The following CFAP54 variants were observed in gnomAD, a reference collection of about 807,000 sequenced individuals.
The protein encoded by CFAP54 is cilia- and flagella-associated protein 54.
Under a neutral mutation model 370.4 loss-of-function variants are expected in CFAP54, and 290 were observed. The observed-to-expected ratio is 0.78, with a 90% CI of 0.71 to 0.86. The LOEUF (loss-of-function observed/expected upper bound fraction) is 0.86, where lower values mean the gene tolerates loss of function less well. Ranked by LOEUF, CFAP54 falls within the 40% of genes least tolerant of loss-of-function variation. The probability of loss-of-function intolerance (pLI) is 0.00; values close to 1 mark genes in which losing one functional copy is unlikely to be tolerated. For synonymous variants in CFAP54, 1,206 were observed against 1,236.5 expected (o/e 0.98, Z 0.52); for missense variants, 3,399 against 3,528.7 (o/e 0.96, Z 0.93).
chr12:96,718,814 GGATC>G (rs1957715833), intron 49 of CFAP54, among the ~76,000 whole-genome samples: 1 of 152,246 alleles, frequency 6.6e-6, no homozygotes, highest in South Asian at 2.1e-4. Flanking sequence ...CGAGGTGGGC[GGATC>G]ACCTGAGGTC....
intron 42 of CFAP54, among the ~76,000 whole-genome samples, chr12:96,685,687 TTACA>T (rs1957322412): frequency 6.6e-6 from 1 of 152,036 alleles, no homozygotes; most frequent in Non-Finnish European, 1.5e-5. Context: ...GTAGCTGGGA[TTACA>T]GGTGGCCACC....
intron 17 of CFAP54, among the ~76,000 whole-genome samples, chr12:96,562,206 C>G (rs2136408368): frequency 6.6e-6 from 1 of 152,194 alleles, no homozygotes; most frequent in South Asian, 2.1e-4. Flanking sequence ...AATGTAATTA[C>G]TCATTTGTTT....
At chr12:96,630,048 C>A in intron 30 of CFAP54, 45 bp from the exon 31 acceptor site, 1 of 994,268 alleles carries the variant, frequency 1.0e-6, no homozygotes, top group Non-Finnish European at 1.4e-6. Context: ...GGTAGTTCTG[C>A]AAATTTTTGC....
intron 25 of CFAP54, among the ~76,000 whole-genome samples, chr12:96,597,294 T>G (rs980015401): frequency 9.2e-5 from 14 of 152,002 alleles, no homozygotes; most frequent in African/African-American, 3.4e-4. Flanking sequence ...TTCCACCTCT[T>G]GGTTCCTGGA....
intron 33 of CFAP54, among the ~76,000 whole-genome samples, chr12:96,644,974 T>G (rs1956772526): frequency 6.6e-6 from 1 of 152,206 alleles, no homozygotes; most frequent in African/African-American, 2.4e-5. Context: ...TGATTGTAGC[T>G]TGAATATGTT....
At chr12:96,635,308 TAA>T (rs1421841366) in intron 32 of CFAP54, among the ~76,000 whole-genome samples, 4 of 152,236 alleles carry the variant, frequency 2.6e-5, no homozygotes, top group Non-Finnish European at 5.9e-5. Context: ...TGTTATAAAT[TAA>T]GTTTAATTTT....
intron 19 of CFAP54, among the ~76,000 whole-genome samples, chr12:96,568,823 C>A (rs1013109637): frequency 6.6e-6 from 1 of 151,886 alleles, no homozygotes; most frequent in Non-Finnish European, 1.5e-5. Flanking sequence ...TATTTCTAAT[C>A]AATTAAGATG....
intron 26 of CFAP54, among the ~76,000 whole-genome samples, chr12:96,617,061 A>G (rs931785577): frequency 6.6e-6 from 1 of 152,202 alleles, no homozygotes; most frequent in African/African-American, 2.4e-5. Context: ...GACAAGAATA[A>G]AGGAGGGAGA....
At chr12:96,756,365 A>G in intron 56 of CFAP54, 93 bp from the exon 57 acceptor site, 1 of 713,978 alleles carries the variant, frequency 1.4e-6, no homozygotes, top group Non-Finnish European at 2.3e-6. Context: ...ACAGCACATC[A>G]AATATTCTGA....
intron 8 of CFAP54, among the ~76,000 whole-genome samples, chr12:96,527,023 G>T (rs948599209): frequency 2.7e-5 from 4 of 148,784 alleles, no homozygotes; most frequent in African/African-American, 9.9e-5. Context: ...AGCCTCCCAA[G>T]TAGCTGGGAC....
intron 63 of CFAP54, among the ~76,000 whole-genome samples, chr12:96,809,240 C>G (rs7305321): frequency 2.0e-5 from 3 of 151,770 alleles, no homozygotes; most frequent in African/African-American, 7.3e-5. Flanking sequence ...CAGTTCATGG[C>G]CTTTTTTTAT....
intron 22 of CFAP54, among the ~76,000 whole-genome samples, chr12:96,583,714 A>G (rs1018986209): frequency 6.6e-6 from 1 of 152,216 alleles, no homozygotes; most frequent in Non-Finnish European, 1.5e-5. Context: ...TTGCTCAGGT[A>G]GCAGATGTCA....
chr12:96,647,496 A>AAAAAAAAAAAAAAAAAAAC, intron 33 of CFAP54, among the ~76,000 whole-genome samples: 1 of 149,020 alleles, frequency 6.7e-6, no homozygotes, highest in Non-Finnish European at 1.5e-5. Context: ...AAAAAAAAAA[A>AAAAAAAAAAAAAAAAAAAC]GAAATGCCAT....
At chr12:96,700,728 C>A in intron 46 of CFAP54, among the ~76,000 whole-genome samples, 1 of 152,072 alleles carries the variant, frequency 6.6e-6, no homozygotes, top group East Asian at 1.9e-4. Flanking sequence ...CTCTTTTAGT[C>A]TTCATGGTGG....
chr12:96,616,542 G>A (rs1956420476), intron 26 of CFAP54, among the ~76,000 whole-genome samples: 1 of 151,924 alleles, frequency 6.6e-6, no homozygotes, highest in Non-Finnish European at 1.5e-5. Context: ...AAGATAATTA[G>A]ATTACATGAT....
At chr12:96,600,545 G>C (rs1956228171) in intron 26 of CFAP54, among the ~76,000 whole-genome samples, 1 of 152,144 alleles carries the variant, frequency 6.6e-6, no homozygotes, top group Non-Finnish European at 1.5e-5. Flanking sequence ...TAGCTTGATG[G>C]GGATGGCACT....
At chr12:96,810,611 G>C (rs1216167821) in intron 63 of CFAP54, among the ~76,000 whole-genome samples, 1 of 152,144 alleles carries the variant, frequency 6.6e-6, no homozygotes, top group African/African-American at 2.4e-5. Flanking sequence ...GAACTGAATG[G>C]ACCCAAAGGG....
At chr12:96,727,638 A>T (rs1363284973) in intron 50 of CFAP54, among the ~76,000 whole-genome samples, 1 of 151,930 alleles carries the variant, frequency 6.6e-6, no homozygotes, top group Admixed American at 6.6e-5. Context: ...CCAATTTGCC[A>T]GTCTGTGTCT....
At chr12:96,758,854 C>T (rs1443909749) in intron 58 of CFAP54, among the ~76,000 whole-genome samples, 8 of 152,090 alleles carry the variant, frequency 5.3e-5, no homozygotes, top group East Asian at 1.9e-4. Flanking sequence ...GCATTTCTAA[C>T]GAGCCTCCCA....
Sources: allele counts gnomAD v4.1 joint callset (sites outside exome capture counted in the v4.1 genomes callset), GRCh38; gene constraint gnomAD v4.1.1; transcripts MANE v1.5; gene names NCBI Gene and HGNC (gene_info 2026-07-23, HGNC 2026-07-21).